Variants in AKAP9 observed in about 807,000 individuals in gnomAD.
The protein encoded by AKAP9 is A-kinase anchor protein 9.
Under a neutral mutation model 488.5 loss-of-function variants are expected in AKAP9, and 311 were observed. The ratio of observed to expected loss-of-function variants is 0.64; its 90% CI spans 0.58 to 0.70. The LOEUF (loss-of-function observed/expected upper bound fraction) is 0.70, where lower values mean the gene tolerates loss of function less well. Among genes scored for constraint, AKAP9 ranks in the 30% least tolerant of loss-of-function variants. The pLI is 0.00. For missense variants in AKAP9, 4,215 were observed against 4,374.5 expected (o/e 0.96, Z 1.03); for synonymous variants, 1,462 against 1,483.5 (o/e 0.99, Z 0.33).
At chr7:92,095,208 TC>T in intron 40 of AKAP9, 35 bp downstream of exon 40, 1 of 1,612,920 alleles carries the variant, frequency 6.2e-7, no homozygotes, top group South Asian at 1.1e-5. Flanking sequence ...GTCTGGAAAA[TC>T]CAGAATGATA....
At chr7:92,105,362 C>G (rs1407681730) in intron 46 of AKAP9, among the ~76,000 whole-genome samples, 1 of 152,180 alleles carries the variant, frequency 6.6e-6, no homozygotes, top group East Asian at 1.9e-4. Flanking sequence ...CTCACCCTTT[C>G]TTTGCCTATC....
chr7:91,971,166 G>GTTCCTTTTCATTCT (rs1027201345), intron 1 of AKAP9, among the ~76,000 whole-genome samples: 15 of 151,984 alleles, frequency 9.9e-5, no homozygotes, highest in Non-Finnish European at 1.3e-4. Context: ...GGTGATCTTT[G>GTTCCTTTTCATTCT]TTCCTTTTCA....
intron 2 of AKAP9, among the ~76,000 whole-genome samples, chr7:91,976,079 C>T (rs556543287): frequency 1.3e-5 from 2 of 151,708 alleles, no homozygotes; most frequent in African/African-American, 2.4e-5. Context: ...TGAGCCATCA[C>T]GCCCAACTAA....
Position 92,095,003 on chromosome 7 carries a change from C to T in AKAP9, c.9579-20C>T, listed in dbSNP as rs1311667262. 3.1e-6 allele frequency: 5 copies of T among 1,612,458 alleles called. No homozygotes were observed. In the Admixed American group the frequency reaches 8.3e-5, roughly 27 times the overall value. On this transcript the variant is annotated intron_variant, in intron 39 of 49. Transcript: ENST00000356239. Reference sequence around the variant, plus strand: ...TCGTCAACATAGCTTTATGGAAATTCATTTGTCTTTCTGACTTAGGTTGGA... The same window carrying T: ...TCGTCAACATAGCTTTATGGAAATTTATTTGTCTTTCTGACTTAGGTTGGA...
chr7:91,948,980 A>T (rs1274940742), intron 1 of AKAP9, among the ~76,000 whole-genome samples: 1 of 151,950 alleles, frequency 6.6e-6, no homozygotes, highest in Non-Finnish European at 1.5e-5. Flanking sequence ...TGAACTCCTG[A>T]CCTCAGGTGA....
chr7:92,024,415 A>AAT (rs1554417357), intron 14 of AKAP9, among the ~76,000 whole-genome samples: 1 of 144,426 alleles, frequency 6.9e-6, no homozygotes, highest in Non-Finnish European at 1.5e-5. Context: ...CTGCCTAAAA[A>AAT]ATATATATAT....
chr7:91,969,257 T>C (rs556252138), intron 1 of AKAP9, among the ~76,000 whole-genome samples: 31 of 152,188 alleles, frequency 2.0e-4, no homozygotes, highest in Non-Finnish European at 4.4e-4. Flanking sequence ...TTTAGTTTTA[T>C]TCCATTATGG....
chr7:91,964,385 A>G (rs959394038), intron 1 of AKAP9, among the ~76,000 whole-genome samples: 1 of 152,180 alleles, frequency 6.6e-6, no homozygotes, highest in African/African-American at 2.4e-5. Context: ...ATATGGCGTC[A>G]TCATAGTTAA....
At chr7:92,082,753 C>T (rs973045585) in intron 32 of AKAP9, 91 bp downstream of exon 32, 2 of 1,395,650 alleles carry the variant, frequency 1.4e-6, no homozygotes, top group East Asian at 4.7e-5. Context: ...AAATGAGCTC[C>T]ATAACTTAAA....
At chr7:92,049,571 A>G (rs941360500) in intron 21 of AKAP9, among the ~76,000 whole-genome samples, 1 of 152,150 alleles carries the variant, frequency 6.6e-6, no homozygotes, top group Non-Finnish European at 1.5e-5. Context: ...AGATCCAGCT[A>G]CTGCACTCCA....
chr7:92,078,843 T>C (rs1325042579), intron 30 of AKAP9, among the ~76,000 whole-genome samples: 1 of 152,156 alleles, frequency 6.6e-6, no homozygotes. Context: ...ATTTTCCTAA[T>C]AGGGAATCAG....
intron 1 of AKAP9, among the ~76,000 whole-genome samples, chr7:91,944,576 G>A (rs1791190727): frequency 6.6e-6 from 1 of 151,860 alleles, no homozygotes; most frequent in African/African-American, 2.4e-5. Context: ...TAGTAGAGAT[G>A]GGGTTTCACC....
At chr7:91,965,423 C>T (rs536587586) in intron 1 of AKAP9, among the ~76,000 whole-genome samples, 17 of 152,146 alleles carry the variant, frequency 1.1e-4, no homozygotes, top group African/African-American at 3.6e-4. Flanking sequence ...TTTCTTTATC[C>T]GTTTATCAAT....
chr7:91,951,111 A>C (rs1436100651), intron 1 of AKAP9, among the ~76,000 whole-genome samples: 1 of 151,424 alleles, frequency 6.6e-6, no homozygotes, highest in African/African-American at 2.4e-5. Context: ...TTTTTTTTTT[A>C]GTTGAGAAGA....
chr7:91,971,693 G>A (rs1370372037), intron 1 of AKAP9, among the ~76,000 whole-genome samples: 4 of 144,052 alleles, frequency 2.8e-5, no homozygotes, highest in Admixed American at 7.3e-5. Flanking sequence ...TCAGCCTCCC[G>A]AATAGCTGGG....
intron 39 of AKAP9, among the ~76,000 whole-genome samples, chr7:92,094,393 C>T (rs1816164794): frequency 6.6e-6 from 1 of 151,544 alleles, no homozygotes; most frequent in African/African-American, 2.4e-5. Flanking sequence ...ATTAGCCGGG[C>T]ATGCTGGCAT....
At chr7:92,092,874 T>C in intron 38 of AKAP9, 1 of 468,892 alleles carries the variant, frequency 2.1e-6, no homozygotes, top group Non-Finnish European at 3.9e-6. Context: ...CTTGAACTCC[T>C]GGCCTTAAGC....
chr7:92,072,825 C>T (rs890200250), intron 28 of AKAP9, among the ~76,000 whole-genome samples: 18 of 152,150 alleles, frequency 1.2e-4, no homozygotes, highest in Admixed American at 3.3e-4. Flanking sequence ...TTAGACAGTA[C>T]TAAGTATTTA....
rs1810340856 is a variant in AKAP9 at position 92,063,947 on chromosome 7, A to AT, written c.5978-1278dup. On this transcript the variant is annotated intron_variant, in intron 24 of 49. Transcript: ENST00000356239. ...AGGCGGGAGCCACCATGCCTGGCTA[A>AT]TTTTTTGTACTTTTAGTAGAGATGG... Among the ~76,000 whole-genome samples the AT allele has an allele frequency of 2.0e-5, 3 of 151,882 alleles. No individual in the cohort carries two copies. The South Asian group carries it at 6.2e-4, about 32-fold the overall frequency.
Sources: allele counts gnomAD v4.1 joint callset (sites outside exome capture counted in the v4.1 genomes callset), GRCh38; gene constraint gnomAD v4.1.1; transcripts MANE v1.5; gene names NCBI Gene and HGNC (gene_info 2026-07-23, HGNC 2026-07-21).